CDK14: variants seen among roughly 807,000 people sequenced by gnomAD.
CDK14 encodes cyclin-dependent kinase 14.
In CDK14, 34 loss-of-function variants were observed where a neutral mutation model predicts 60.7. The ratio of observed to expected loss-of-function variants is 0.56; its 90% CI spans 0.43 to 0.75. The LOEUF is 0.75. Ranked by LOEUF, CDK14 falls within the 30% of genes least tolerant of loss-of-function variation. The pLI is 0.00. For missense variants in CDK14, 482 were observed against 564.1 expected, an observed-to-expected ratio of 0.85 and a Z score of 1.47; for synonymous variants, 197 against 203.7, an observed-to-expected ratio of 0.97 and a Z score of 0.28.
chr7:91,037,467 A>T (rs745763949), intron 10 of CDK14, among the ~76,000 whole-genome samples: 1 of 152,174 alleles, frequency 6.6e-6, no homozygotes, highest in Non-Finnish European at 1.5e-5. Context: ...AGAGCATGAA[A>T]AAAACCTCAT....
At chr7:90,676,946 GTT>G (rs10668053) in intron 2 of CDK14, among the ~76,000 whole-genome samples, 1 of 149,086 alleles carries the variant, frequency 6.7e-6, no homozygotes, top group Admixed American at 6.7e-5. Context: ...TGTATATCAA[GTT>G]TTTTTTTTTT....
chr7:90,666,941 A>G (rs1019587572), intron 2 of CDK14, among the ~76,000 whole-genome samples: 3 of 152,236 alleles, frequency 2.0e-5, no homozygotes, highest in Non-Finnish European at 4.4e-5. Context: ...GAAGAGGACA[A>G]TGAATCTGCA....
Position 90,962,481 on chromosome 7 carries a change from G to A in CDK14, c.947+6664G>A, listed in dbSNP as rs377020793. Among the ~76,000 whole-genome samples the A allele has an allele frequency of 2.8e-4, 42 of 151,200 alleles. No individual in the cohort carries two copies. The East Asian group carries it at 5.5e-3, about 20-fold the overall frequency. On this transcript the variant is annotated intron_variant, in intron 9 of 14. Transcript: ENST00000380050. Reference sequence around the variant, plus strand: ...AGCCTGGGTGACAGAGTGAGACTCCGTCTCAAAAAGAAAAAAAAAAAGTCT... The same window carrying A: ...AGCCTGGGTGACAGAGTGAGACTCCATCTCAAAAAGAAAAAAAAAAAGTCT...
chr7:90,745,378 T>C (rs1803550613), intron 3 of CDK14, among the ~76,000 whole-genome samples: 3 of 152,228 alleles, frequency 2.0e-5, no homozygotes, highest in Admixed American at 2.0e-4. Context: ...TGCTTAACTG[T>C]CTTTTTGCAC....
At chr7:90,903,096 C>A (rs1041446468) in intron 7 of CDK14, among the ~76,000 whole-genome samples, 1 of 152,042 alleles carries the variant, frequency 6.6e-6, no homozygotes, top group Non-Finnish European at 1.5e-5. Flanking sequence ...ACAAATGTTA[C>A]TGAAGATGTG....
At chr7:90,700,970 GT>G (rs1801772482) in intron 2 of CDK14, among the ~76,000 whole-genome samples, 1 of 152,150 alleles carries the variant, frequency 6.6e-6, no homozygotes, top group African/African-American at 2.4e-5. Flanking sequence ...AAATCTTTCA[GT>G]CGTGAAATAC....
At chr7:91,029,522 T>C (rs1465756942) in intron 10 of CDK14, among the ~76,000 whole-genome samples, 1 of 151,804 alleles carries the variant, frequency 6.6e-6, no homozygotes, top group Non-Finnish European at 1.5e-5. Flanking sequence ...GTTCTCCCTG[T>C]AGAAAATTTT....
At chr7:91,053,553 G>A (rs772683443) in intron 11 of CDK14, among the ~76,000 whole-genome samples, 1 of 152,022 alleles carries the variant, frequency 6.6e-6, no homozygotes, top group Non-Finnish European at 1.5e-5. Flanking sequence ...ATATTCTTCC[G>A]CCCTTTAAAC....
At chr7:90,659,879 G>C (rs58822261) in intron 2 of CDK14, among the ~76,000 whole-genome samples, 26,618 of 119,680 alleles carry the variant, frequency 0.22, 2,229 homozygotes, top group East Asian at 0.32. Context: ...CTCTCTCTGT[G>C]TGTGTGTGTG....
intron 6 of CDK14, among the ~76,000 whole-genome samples, chr7:90,883,295 A>G (rs1311032558): frequency 1.3e-5 from 2 of 152,216 alleles, no homozygotes; most frequent in Non-Finnish European, 1.5e-5. Context: ...AATACAGACT[A>G]CCATCAGAGA....
chr7:90,865,902 C>T (rs751163780), intron 6 of CDK14, among the ~76,000 whole-genome samples: 1 of 152,070 alleles, frequency 6.6e-6, no homozygotes, highest in Admixed American at 6.6e-5. Context: ...TAGACCCAGG[C>T]CCATCCTAAT....
chr7:90,976,355 C>T (rs563064819), intron 9 of CDK14, among the ~76,000 whole-genome samples: 160 of 151,932 alleles, frequency 1.1e-3, no homozygotes, highest in African/African-American at 2.3e-3. Context: ...TTTGTCCCCC[C>T]GCTTTTTTTT....
At chr7:90,714,231 C>T (rs1018988930) in intron 2 of CDK14, among the ~76,000 whole-genome samples, 12 of 151,948 alleles carry the variant, frequency 7.9e-5, no homozygotes, top group African/African-American at 2.7e-4. Context: ...ACTTTTCGGC[C>T]CAGTTGATAA....
Position 91,056,670 on chromosome 7 carries a change from G to A in CDK14, c.1105+10710G>A, listed in dbSNP as rs575120976. The stretch of plus-strand genomic sequence containing the variant: ...GAGAACATGCAGTGTTTGGTTTTTT[G>A]TCTTTGCGATAGTTTGCTGAGAATG... On this transcript the variant is annotated intron_variant, in intron 11 of 14. Transcript: ENST00000380050. 7.3e-3 allele frequency among the ~76,000 whole-genome samples: 1,073 copies of A among 147,448 alleles called. 17 individuals are homozygous for A. Among genetic ancestry groups the A allele is most frequent in the African/African-American group, 0.026 (1,027 of 39,916 alleles).
rs931107784 is a variant in CDK14, at chr7:90,889,633, T to C, written c.640-9658T>C. Among the ~76,000 whole-genome samples, 108 of 152,248 alleles carry C rather than the reference T, an allele frequency of 7.1e-4. 1 individual carries two copies. The highest frequency in any genetic ancestry group is 2.6e-3 in the African/African-American group (106 of 41,468). Reference sequence around the variant, plus strand: ...TGATTGCTATGAGAGGATTTTTATGTAGTATAAAATACTGTGTACGATAAC... The same window carrying C: ...TGATTGCTATGAGAGGATTTTTATGCAGTATAAAATACTGTGTACGATAAC... On this transcript the variant is annotated intron_variant, in intron 6 of 14. Coordinates refer to ENST00000380050, the MANE Select transcript of CDK14 (RefSeq NM_001287135.2).
At chr7:90,601,758 TTTTTGGCGGC>T (rs1799317485) in intron 1 of CDK14, among the ~76,000 whole-genome samples, 1 of 152,106 alleles carries the variant, frequency 6.6e-6, no homozygotes. Flanking sequence ...AGTATCTTTT[TTTTTGGCGGC>T]AGAGGAACAG....
intron 11 of CDK14, among the ~76,000 whole-genome samples, chr7:91,048,181 C>T (rs1797294893): frequency 6.6e-6 from 1 of 152,184 alleles, no homozygotes; most frequent in Non-Finnish European, 1.5e-5. Context: ...ACTGACCCCA[C>T]CACAGGCCCT....
At chr7:91,190,332 A>G (rs181762182) in intron 14 of CDK14, among the ~76,000 whole-genome samples, 2 of 152,220 alleles carry the variant, frequency 1.3e-5, no homozygotes, top group Non-Finnish European at 2.9e-5. Context: ...GGACAGGTCA[A>G]ATGGCTCAGG....
chr7:90,704,073 A>G (rs902805549), intron 2 of CDK14, among the ~76,000 whole-genome samples: 1 of 152,202 alleles, frequency 6.6e-6, no homozygotes. Flanking sequence ...AGCCTGGGCA[A>G]CAGAGTGAGA....
Sources: allele counts gnomAD v4.1 joint callset (sites outside exome capture counted in the v4.1 genomes callset), GRCh38; gene constraint gnomAD v4.1.1; transcripts MANE v1.5; gene names NCBI Gene and HGNC (gene_info 2026-07-23, HGNC 2026-07-21).